DNAAF9: variants seen among roughly 807,000 people sequenced by gnomAD.
DNAAF9 encodes shulin.
A neutral mutation model predicts 167.0 loss-of-function variants in DNAAF9; 90 were observed. That is an observed-to-expected ratio of 0.54 (90% CI 0.45 to 0.64). The LOEUF is 0.64. Among genes scored for constraint, DNAAF9 ranks in the 30% least tolerant of loss-of-function variants. The pLI is 0.00. For synonymous variants in DNAAF9, 491 were observed against 508.8 expected, an observed-to-expected ratio of 0.96 and a Z score of 0.47; for missense variants, 1,315 against 1,442.2, an observed-to-expected ratio of 0.91 and a Z score of 1.43.
chr20:3,267,130 G>T (rs1030775176), intron 30 of DNAAF9, among the ~76,000 whole-genome samples: 1 of 152,184 alleles, frequency 6.6e-6, no homozygotes, highest in Non-Finnish European at 1.5e-5. Context: ...GGGATTACAG[G>T]TGTGAGCCAC....
chr20:3,262,117 T>C (rs2068400951), intron 31 of DNAAF9, among the ~76,000 whole-genome samples: 1 of 152,088 alleles, frequency 6.6e-6, no homozygotes, highest in Non-Finnish European at 1.5e-5. Context: ...ATGACTGCCA[T>C]CTTGTTAAAG....
intron 30 of DNAAF9, among the ~76,000 whole-genome samples, chr20:3,268,847 T>C (rs865867810): frequency 1.3e-5 from 2 of 151,692 alleles, no homozygotes; most frequent in South Asian, 2.1e-4. Context: ...ATTTTTAGTT[T>C]GTAATTTGAA....
intron 1 of DNAAF9, among the ~76,000 whole-genome samples, chr20:3,397,311 T>TTGTTC (rs2083922728): frequency 1.2e-5 from 1 of 81,262 alleles, no homozygotes; most frequent in African/African-American, 5.8e-5. Flanking sequence ...ATTTCTTTTT[T>TTGTTC]TGTTTTGTTT....
chr20:3,372,419 GT>G (rs2123217107), intron 6 of DNAAF9, among the ~76,000 whole-genome samples: 1 of 152,344 alleles, frequency 6.6e-6, no homozygotes. Flanking sequence ...AAGACCTATA[GT>G]AACTCTTCCT....
At chr20:3,388,068 A>G (rs1431954510) in intron 1 of DNAAF9, among the ~76,000 whole-genome samples, 4 of 120,828 alleles carry the variant, frequency 3.3e-5, no homozygotes, top group Non-Finnish European at 7.2e-5. Flanking sequence ...ACTCTGTCTC[A>G]AAAAAAAAAA....
At chr20:3,294,447 A>G in intron 24 of DNAAF9, 81 bp downstream of exon 24, 1 of 938,896 alleles carries the variant, frequency 1.1e-6, no homozygotes, top group Admixed American at 2.0e-5. Flanking sequence ...AAGAAAAAGG[A>G]GCTTAAAAGG....
chr20:3,386,955 A>G (rs988755119), intron 1 of DNAAF9, among the ~76,000 whole-genome samples: 1 of 152,218 alleles, frequency 6.6e-6, no homozygotes, highest in African/African-American at 2.4e-5. Flanking sequence ...AACAGTGACT[A>G]CCAAACTGAG....
chr20:3,378,875 T>G (rs6084359), intron 3 of DNAAF9, among the ~76,000 whole-genome samples: 1 of 149,772 alleles, frequency 6.7e-6, no homozygotes, highest in Non-Finnish European at 1.5e-5. Flanking sequence ...GCCCCATGCC[T>G]GTAAGGCCCA....
chr20:3,405,028 T>C (rs1316430035), intron 1 of DNAAF9, among the ~76,000 whole-genome samples: 3 of 152,212 alleles, frequency 2.0e-5, no homozygotes, highest in Non-Finnish European at 4.4e-5. Flanking sequence ...AATGGAAAAC[T>C]ACACAACAGA....
At chr20:3,271,622 C>A (rs1568570102) in intron 29 of DNAAF9, among the ~76,000 whole-genome samples, 2 of 96,708 alleles carry the variant, frequency 2.1e-5, no homozygotes, top group African/African-American at 9.1e-5. Context: ...TTATTTACTT[C>A]TTCTTTTTTT....
At position 3,327,447 on chromosome 20, in the gene DNAAF9, C is replaced by T. The variant is rs533639742; in HGVS notation, c.1101-1163G>A. ...GCCTTGGAGGAAGGAGGTGCAGGCTCTTCTTAGGACACTTACGAAGAGAAG... is the reference window on the plus strand; with the variant it reads ...GCCTTGGAGGAAGGAGGTGCAGGCTTTTCTTAGGACACTTACGAAGAGAAG... On this transcript the variant is annotated intron_variant, in intron 12 of 36. Coordinates refer to ENST00000252032, the MANE Select transcript of DNAAF9 (RefSeq NM_001009984.3). 1.0e-3 allele frequency among the ~76,000 whole-genome samples: 156 copies of T among 152,210 alleles called. 2 individuals carry two copies. The highest frequency in any genetic ancestry group is 3.4e-3 in the Middle Eastern group (1 of 294).
chr20:3,368,055 G>A (rs1268859451), intron 6 of DNAAF9, among the ~76,000 whole-genome samples: 3 of 152,088 alleles, frequency 2.0e-5, no homozygotes, highest in African/African-American at 7.2e-5. Flanking sequence ...CACTATCCTC[G>A]AATCCTTTCA....
chr20:3,376,334 T>C (rs748052955), intron 3 of DNAAF9, 32 bp from the exon 4 acceptor site: 4 of 1,546,638 alleles, frequency 2.6e-6, no homozygotes, highest in Admixed American at 1.9e-5. Context: ...AACACAAGAC[T>C]GTCAAACACA....
At chr20:3,286,165 G>A (rs771531099) in intron 27 of DNAAF9, among the ~76,000 whole-genome samples, 9 of 152,082 alleles carry the variant, frequency 5.9e-5, no homozygotes, top group East Asian at 1.9e-4. Context: ...TAAGAACAGC[G>A]TCTTAGTGAA....
At chr20:3,356,815 A>G (rs1351247519) in intron 7 of DNAAF9, among the ~76,000 whole-genome samples, 2 of 152,294 alleles carry the variant, frequency 1.3e-5, no homozygotes, top group South Asian at 2.1e-4. Context: ...CAGACATGTC[A>G]TGTTATGACC....
intron 7 of DNAAF9, among the ~76,000 whole-genome samples, chr20:3,353,028 G>T (rs534223285): frequency 1.3e-5 from 2 of 149,046 alleles, no homozygotes; most frequent in African/African-American, 2.5e-5. Flanking sequence ...GCAATAAAGT[G>T]ACATATCCTC....
chr20:3,320,612 CAA>C (rs1404507176), intron 16 of DNAAF9, among the ~76,000 whole-genome samples: 2 of 152,124 alleles, frequency 1.3e-5, no homozygotes, highest in African/African-American at 4.8e-5. Flanking sequence ...AATGATATCA[CAA>C]AAAAGTCTAA....
At position 3,348,615 on chromosome 20, in the gene DNAAF9, C is replaced by T. The variant is rs200810359; in HGVS notation, c.699G>A (p.Val233=). 6 of 1,590,518 alleles carry T rather than the reference C, an allele frequency of 3.8e-6. No homozygotes were observed. The East Asian group carries it at 9.0e-5, about 24-fold the overall frequency. ...SLESLLSDDL[V]AFEHQWTSFF... ...AGCTAGTCCACTGATGTTCAAAAGC[C>T]ACCAAATCCTGGGAAAAAAAGGAAA... Residue 233 remains valine, a synonymous_variant, in exon 8 of 37, where the codon GTG becomes GTA. Coordinates refer to ENST00000252032, the MANE Select transcript of DNAAF9 (RefSeq NM_001009984.3).
Position 3,322,663 on chromosome 20 carries a change from A to C in DNAAF9, c.1299T>G (p.Asn433Lys). 6.2e-7 allele frequency: 1 copy of C among 1,612,896 alleles called. No individual in the cohort carries two copies. Among genetic ancestry groups the C allele is most frequent in the Middle Eastern group, 1.7e-4 (1 of 6,060 alleles). Residue 433 changes from asparagine (N) to lysine (K), a missense_variant, in exon 15 of 37, where the codon AAT becomes AAG. This residue lies in a region of DNAAF9 where 981 missense variants were observed against 1,012.5 expected (regional missense o/e 0.97). Transcript: ENST00000252032. The stretch of plus-strand genomic sequence containing the variant: ...AATCATATACGCACCTTCCCTGATT[A>C]TTCACAGCATGTATATGAAAAGTCA... The part of the protein sequence containing the change: ...SKMTFHIHAV[N>K]NQGRIVPLDS...
Sources: allele counts gnomAD v4.1 joint callset (sites outside exome capture counted in the v4.1 genomes callset), GRCh38; gene constraint gnomAD v4.1.1; regional missense constraint gnomAD v4.1.1; transcripts MANE v1.5; gene names NCBI Gene and HGNC (gene_info 2026-07-23, HGNC 2026-07-21).